ZBTB45: variants seen among roughly 807,000 people sequenced by gnomAD.
The protein encoded by ZBTB45 is zinc finger and BTB domain-containing protein 45.
Under a neutral mutation model 28.4 loss-of-function variants are expected in ZBTB45, and 22 were observed. The ratio of observed to expected loss-of-function variants is 0.77; its 90% CI spans 0.55 to 1.10. The LOEUF (loss-of-function observed/expected upper bound fraction) is 1.10. Among genes scored for constraint, ZBTB45 ranks in the 50% least tolerant of loss-of-function variants. ZBTB45 has a pLI of 0.00. For missense variants in ZBTB45, 656 were observed against 750.2 expected, an observed-to-expected ratio of 0.87 and a Z score of 1.47; for synonymous variants, 361 against 332.3, an observed-to-expected ratio of 1.09 and a Z score of -0.94.
chr19:58,522,912 G>A (rs769453250), upstream of ZBTB45, among the ~76,000 whole-genome samples: 26 of 152,180 alleles, frequency 1.7e-4, no homozygotes, highest in Non-Finnish European at 3.4e-4. Context: ...CCATTAGCAT[G>A]TTTAAGGGGC....
In ZBTB45 at chr19:58,516,947, C is replaced by G; in HGVS notation, c.727G>C (p.Gly243Arg). Residue 243 changes from glycine (G) to arginine (R), a missense_variant, in exon 2 of 3, where the codon GGC (glycine) becomes CGC (arginine). Around this residue, in one of 3 missense-constraint regions of ZBTB45, gnomAD observed 448 missense variants for 444.3 expected, o/e 1.01. Transcript: ENST00000594051. The surrounding 1 kb of genome is among the most constrained non-coding windows in gnomAD (Gnocchi z 6.2). ...APPSFPDCAA[G>R]FLTAAADSAC... ...CTGTCAGCAGCAGCAGTGAGGAAGC[C>G]AGCAGCACAGTCTGGGAAGGAAGGA... The G allele has an allele frequency of 1.2e-6, 2 of 1,613,302 alleles. No homozygotes were observed. The highest frequency in any genetic ancestry group is 1.7e-6 in the Non-Finnish European group (2 of 1,180,024).
In ZBTB45 at chr19:58,517,526, C is replaced by T. The variant is rs372758478; in HGVS notation, c.148G>A (p.Val50Met). 30 of 1,613,432 alleles carry T rather than the reference C, an allele frequency of 1.9e-5. No homozygotes were observed. Among genetic ancestry groups the T allele is most frequent in the Non-Finnish European group, 2.5e-5 (29 of 1,179,980 alleles). ...REASLRAHRC[V>M]LAAGSPFFQD... ...AAGAAGGGTGAGCCGGCCGCCAGCA[C>T]GCAGCGGTGGGCACGCAGCGAAGCT... The change falls in exon 2 of 3, where the codon GTG (valine) becomes ATG (methionine). Residue 50 changes from valine to methionine, a missense_variant. By Grantham distance (21) the Val-to-Met change is conservative. Coordinates refer to ENST00000594051, the MANE Select transcript of ZBTB45 (RefSeq NM_001316979.2).
chr19:58,534,495 T>C (rs2053650205), intron 1 of ZBTB45, among the ~76,000 whole-genome samples: 1 of 151,674 alleles, frequency 6.6e-6, no homozygotes, highest in South Asian at 2.1e-4. Context: ...GTTCAAGCAA[T>C]TCTCCTGCCT....
At chr19:58,534,967 T>C (rs1032312647) in intron 1 of ZBTB45, among the ~76,000 whole-genome samples, 1 of 151,986 alleles carries the variant, frequency 6.6e-6, no homozygotes. Flanking sequence ...GCAATTCTCA[T>C]GCCTCAGCCT....
intron 1 of ZBTB45, among the ~76,000 whole-genome samples, chr19:58,528,996 A>T (rs990410981): frequency 6.7e-6 from 1 of 149,708 alleles, no homozygotes; most frequent in Non-Finnish European, 1.5e-5. Flanking sequence ...AGGCAGGAGA[A>T]TTGCTTGAAC....
chr19:58,525,720 G>A (rs1343182347), intron 1 of ZBTB45, among the ~76,000 whole-genome samples: 1 of 152,172 alleles, frequency 6.6e-6, no homozygotes, highest in Non-Finnish European at 1.5e-5. Context: ...TGGGGGCAAG[G>A]AAAATTTACA....
At chr19:58,520,878 C>A (rs1191931771), upstream of ZBTB45, among the ~76,000 whole-genome samples, 4 of 150,670 alleles carry the variant, frequency 2.7e-5, no homozygotes, top group Non-Finnish European at 4.4e-5. Context: ...CAGTGAAACC[C>A]CATCTCTACT....
At chr19:58,529,332 G>A (rs2053624482) in intron 1 of ZBTB45, among the ~76,000 whole-genome samples, 1 of 152,180 alleles carries the variant, frequency 6.6e-6, no homozygotes, top group Admixed American at 6.5e-5. Flanking sequence ...TCCCAGCTAT[G>A]CTGGAGGCTG....
intron 1 of ZBTB45, among the ~76,000 whole-genome samples, chr19:58,536,463 C>T (rs921030544): frequency 8.4e-6 from 1 of 119,352 alleles, no homozygotes; most frequent in African/African-American, 3.3e-5. Context: ...GAGACGCCGT[C>T]TCAAAAAAAA....
chr19:58,521,723 C>T (rs114010819), upstream of ZBTB45, among the ~76,000 whole-genome samples: 662 of 152,290 alleles, frequency 4.3e-3, 4 homozygotes, highest in African/African-American at 0.015. Flanking sequence ...ATCTGATGAA[C>T]GCATTCCTCA....
chr19:58,522,099 G>A (rs1024527183), upstream of ZBTB45, among the ~76,000 whole-genome samples: 1 of 151,572 alleles, frequency 6.6e-6, no homozygotes, highest in African/African-American at 2.4e-5. Context: ...GAGGCGGGTG[G>A]ATCACCTGAT....
intron 1 of ZBTB45, among the ~76,000 whole-genome samples, chr19:58,530,664 G>A (rs374613540): frequency 6.6e-6 from 1 of 151,342 alleles, no homozygotes; most frequent in East Asian, 1.9e-4. Flanking sequence ...GGATTTGTTT[G>A]AACATCTGTT....
At chr19:58,521,472 C>A (rs144570786), upstream of ZBTB45, among the ~76,000 whole-genome samples, 4 of 151,868 alleles carry the variant, frequency 2.6e-5, no homozygotes, top group Non-Finnish European at 5.9e-5. Flanking sequence ...GAAGCAAATT[C>A]TTCCCCAGAG....
rs540780222 is a variant in ZBTB45, at chr19:58,514,797, C to T, written c.1280-487G>A. Among the ~76,000 whole-genome samples, 3 of 152,244 alleles carry T rather than the reference C, an allele frequency of 2.0e-5. No individual in the cohort carries two copies. In the South Asian group the frequency reaches 6.2e-4, roughly 32 times the overall value. On this transcript the variant is annotated intron_variant, in intron 2 of 2. Transcript: ENST00000594051. ...GGCACAGGGAGACACTGGGTCCTGG[C>T]CCCCCTCGCCTATGCCCATAGAGTC...
At chr19:58,532,537 C>A (rs1242575474) in intron 1 of ZBTB45, among the ~76,000 whole-genome samples, 1 of 152,112 alleles carries the variant, frequency 6.6e-6, no homozygotes, top group African/African-American at 2.4e-5. Context: ...TGGAGCTCTT[C>A]CACATATTTG....
In ZBTB45 at chr19:58,516,182, C is replaced by A. The variant is rs1244277288; in HGVS notation, c.1279+213G>T. Among the ~76,000 whole-genome samples, 1 of 152,156 alleles carries A rather than the reference C, an allele frequency of 6.6e-6. No homozygotes were observed. The highest frequency in any genetic ancestry group is 1.5e-5 in the Non-Finnish European group (1 of 68,020). On this transcript the variant is annotated intron_variant, in intron 2 of 2. Coordinates refer to ENST00000594051, the MANE Select transcript of ZBTB45 (RefSeq NM_001316979.2). The surrounding 1 kb of genome is among the most constrained non-coding windows in gnomAD (Gnocchi z 6.2). ...CTGCTTCCCTACCCAGCCTCAGGATCCCCCTCCACAGAAGCCAGTGCCTGC... is the reference window on the plus strand; with the variant it reads ...CTGCTTCCCTACCCAGCCTCAGGATACCCCTCCACAGAAGCCAGTGCCTGC...
chr19:58,521,186 A>T (rs1263427385), upstream of ZBTB45, among the ~76,000 whole-genome samples: 1 of 148,318 alleles, frequency 6.7e-6, no homozygotes, highest in African/African-American at 2.5e-5. Context: ...AACACGGTGA[A>T]ACCCCGTCTC....
chr19:58,526,501 C>T (rs1287682682), intron 1 of ZBTB45, among the ~76,000 whole-genome samples: 5 of 147,182 alleles, frequency 3.4e-5, no homozygotes, highest in Middle Eastern at 3.6e-3. Context: ...TGAGCCACCA[C>T]GCCTGGCTGT....
chr19:58,524,435 A>ATGTGTGTGTGTGTG (rs56704623), upstream of ZBTB45, among the ~76,000 whole-genome samples: 216 of 138,330 alleles, frequency 1.6e-3, 2 homozygotes, highest in East Asian at 6.9e-3. Flanking sequence ...GTGTTCATAT[A>ATGTGTGTGTGTGTG]TGTGTGTGTG....
Sources: allele counts gnomAD v4.1 joint callset (sites outside exome capture counted in the v4.1 genomes callset), GRCh38; gene constraint gnomAD v4.1.1; regional missense constraint gnomAD v4.1.1; non-coding constraint Gnocchi (gnomAD v3.1); transcripts MANE v1.5; gene names NCBI Gene and HGNC (gene_info 2026-07-23, HGNC 2026-07-21).